Variants in MAPT observed in about 807,000 individuals in gnomAD.
MAPT encodes the protein microtubule associated protein tau.
Under a neutral mutation model 67.9 loss-of-function variants are expected in MAPT, and 34 were observed. The observed-to-expected ratio is 0.50, with a 90% CI of 0.38 to 0.67. MAPT has a LOEUF of 0.67. Among genes scored for constraint, MAPT ranks in the 30% least tolerant of loss-of-function variants. The pLI is 0.00. For missense variants in MAPT, 881 were observed against 1,115.2 expected, an observed-to-expected ratio of 0.79 and a Z score of 2.99; for synonymous variants, 456 against 464.5, an observed-to-expected ratio of 0.98 and a Z score of 0.23.
intron 1 of MAPT, among the ~76,000 whole-genome samples, chr17:45,905,979 C>A (rs1246921264): frequency 1.3e-5 from 2 of 152,180 alleles, no homozygotes; most frequent in Non-Finnish European, 2.9e-5. Context: ...CACCTGGCTC[C>A]CTTAGCGTCA....
intron 1 of MAPT, among the ~76,000 whole-genome samples, chr17:45,923,063 A>G (rs1013964109): frequency 1.3e-5 from 2 of 152,092 alleles, no homozygotes; most frequent in African/African-American, 2.4e-5. Context: ...CTTGGACCCT[A>G]TGTTCTTATC....
intron 1 of MAPT, among the ~76,000 whole-genome samples, chr17:45,939,833 G>T (rs2067697073): frequency 6.6e-6 from 1 of 152,194 alleles, no homozygotes; most frequent in African/African-American, 2.4e-5. Flanking sequence ...GACCTGCACT[G>T]GCTGGGGGGC....
chr17:45,941,641 TCCTTCCCCCCTTCCACCCTTCCCC>T (rs1215322058), intron 1 of MAPT, among the ~76,000 whole-genome samples: 1 of 70,522 alleles, frequency 1.4e-5, no homozygotes, highest in African/African-American at 5.6e-5. Context: ...CCTCTTTCCC[TCCTTCCCCCCTTCCACCCTTCCCC>T]CCTTCCCCCC....
chr17:45,977,067 A>G (rs3785883), intron 3 of MAPT: 124,207 of 153,306 alleles, frequency 0.81, 50,411 homozygotes, highest in Non-Finnish European at 0.82. Context: ...ACCACTGGGC[A>G]TCGTGGGTAG....
chr17:45,933,413 T>G (rs2067031055), intron 1 of MAPT, among the ~76,000 whole-genome samples: 1 of 152,124 alleles, frequency 6.6e-6, no homozygotes, highest in Non-Finnish European at 1.5e-5. Context: ...TAAGTTTTTG[T>G]ATTTTTAGTA....
At chr17:45,974,654 C>T in intron 3 of MAPT, 1 of 601,736 alleles carries the variant, frequency 1.7e-6, no homozygotes. Flanking sequence ...CAGTTACCTC[C>T]CTGGCTGCCT....
At chr17:45,903,990 A>ATATT (rs1568133646) in intron 1 of MAPT, among the ~76,000 whole-genome samples, 38 of 14,296 alleles carry the variant, frequency 2.7e-3, no homozygotes, top group African/African-American at 8.2e-3. Context: ...TTATATATTT[A>ATATT]TATATATTAT....
At chr17:45,952,140 T>G (rs535103806) in intron 1 of MAPT, among the ~76,000 whole-genome samples, 2 of 147,472 alleles carry the variant, frequency 1.4e-5, no homozygotes, top group East Asian at 3.8e-4. Flanking sequence ...AAGGGCATGC[T>G]TATTGATGTG....
chr17:45,953,100 C>T (rs754526095), intron 1 of MAPT, among the ~76,000 whole-genome samples: 4 of 152,178 alleles, frequency 2.6e-5, no homozygotes, highest in Admixed American at 6.5e-5. Flanking sequence ...ATGGAGCAAG[C>T]GCCCCTTCTC....
intron 1 of MAPT, among the ~76,000 whole-genome samples, chr17:45,946,187 T>A (rs932413500): frequency 6.6e-6 from 1 of 152,088 alleles, no homozygotes; most frequent in Non-Finnish European, 1.5e-5. Context: ...GTTCAGGGGA[T>A]TCATTTCAGG....
intron 5 of MAPT, among the ~76,000 whole-genome samples, chr17:45,985,469 T>A (rs1444103784): frequency 6.6e-6 from 1 of 152,148 alleles, no homozygotes; most frequent in Non-Finnish European, 1.5e-5. Flanking sequence ...CATAGGTGTG[T>A]TTGGATTAAA....
chr17:46,019,961 G>A lies in MAPT; in HGVS notation c.2286+1231G>A, dbSNP rs1285735049. The stretch of plus-strand genomic sequence containing the variant: ...CAGGGGACAGAGGTTGTAGTGAGCC[G>A]AGATCGTGCCACTGCACTCCAGCCT... On this transcript the variant is annotated intron_variant, in intron 12 of 12. Transcript: ENST00000262410. 9.3e-5 allele frequency among the ~76,000 whole-genome samples: 14 copies of A among 150,402 alleles called. 1 individual carries two copies. In the South Asian group the frequency reaches 2.5e-3, roughly 27 times the overall value.
intron 4 of MAPT, chr17:45,978,717 A>C: frequency 4.3e-6 from 2 of 463,276 alleles, no homozygotes; most frequent in Non-Finnish European, 7.7e-6. Flanking sequence ...TCTAACAGAA[A>C]CTCTAGGCCG....
chr17:45,924,219 A>G (rs2066042554), intron 1 of MAPT, among the ~76,000 whole-genome samples: 1 of 152,060 alleles, frequency 6.6e-6, no homozygotes, highest in Non-Finnish European at 1.5e-5. Context: ...CAAGATGGCA[A>G]AACCAGAACA....
chr17:45,954,582 C>G (rs1299364899), intron 1 of MAPT, among the ~76,000 whole-genome samples: 1 of 152,178 alleles, frequency 6.6e-6, no homozygotes, highest in East Asian at 1.9e-4. Flanking sequence ...GTGATGGCAC[C>G]ACTGCACCTC....
intron 1 of MAPT, among the ~76,000 whole-genome samples, chr17:45,951,986 C>T (rs1447432883): frequency 2.6e-5 from 4 of 152,026 alleles, no homozygotes; most frequent in African/African-American, 7.2e-5. Flanking sequence ...AGGAAAACAG[C>T]CTTGGTGTGT....
chr17:45,904,129 TTATATATG>T (rs1276625166), intron 1 of MAPT, among the ~76,000 whole-genome samples: 1 of 33,192 alleles, frequency 3.0e-5, no homozygotes, highest in Non-Finnish European at 5.6e-5. Flanking sequence ...ATATTATATA[TTATATATG>T]TATATATTAT....
At chr17:45,974,313 G>T in intron 3 of MAPT, 7 of 1,106,508 alleles carry the variant, frequency 6.3e-6, no homozygotes, top group Non-Finnish European at 9.5e-6. Flanking sequence ...TTGCTCCTGC[G>T]CAAGAAGCAA....
intron 7 of MAPT, among the ~76,000 whole-genome samples, chr17:45,990,860 C>T (rs540838780): frequency 6.6e-6 from 1 of 152,214 alleles, no homozygotes; most frequent in Non-Finnish European, 1.5e-5. Flanking sequence ...AGTCCCTAGA[C>T]TGTGCCATGC....
Sources: gnomAD v4.1 joint callset for allele counts (sites outside exome capture counted in the v4.1 genomes callset) on GRCh38, gnomAD v4.1.1 for gene constraint, MANE v1.5 for transcripts, NCBI Gene and HGNC (gene_info 2026-07-23, HGNC 2026-07-21) for gene names.